The following TUBB6 variants were observed in gnomAD, a reference collection of about 807,000 sequenced individuals.
TUBB6 encodes tubulin beta 6 class V.
In TUBB6, 18 loss-of-function variants were observed where a neutral mutation model predicts 32.3. The observed-to-expected ratio is 0.56, with a 90% CI of 0.39 to 0.83. TUBB6 has a LOEUF of 0.83. Ranked by LOEUF, TUBB6 falls within the 40% of genes least tolerant of loss-of-function variation. TUBB6 has a pLI of 0.00. For synonymous variants in TUBB6, 280 were observed against 265.8 expected (o/e 1.05, Z -0.52); for missense variants, 480 against 632.0 (o/e 0.76, Z 2.58).
At chr18:12,311,259 C>G (rs1906367257) in intron 3 of TUBB6, 1 of 430,002 alleles carries the variant, frequency 2.3e-6, no homozygotes, top group South Asian at 2.4e-5. Context: ...GAAGGAACCT[C>G]TATATCTCTA....
rs61741010 is a variant in TUBB6, at chr18:12,325,959, G to A, written c.1170G>A (p.Arg390=). The stretch of plus-strand genomic sequence containing the variant: ...CCGAGCAGTTCTCAGCCATGTTCCG[G>A]CGCAAGGCCTTCCTGCACTGGTTCA... ...RISEQFSAMF[R]RKAFLHWFTG... is the part of the protein sequence containing the mutation. The change falls in exon 4 of 4, where the codon CGG becomes CGA. Residue 390 remains arginine (R), a synonymous_variant. Coordinates refer to ENST00000317702, the MANE Select transcript of TUBB6 (RefSeq NM_032525.3). 7,220 of 1,614,058 alleles carry A rather than the reference G, an allele frequency of 4.5e-3. 413 individuals are homozygous for A. In the Admixed American group the frequency reaches 0.1, roughly 23 times the overall value.
At chr18:12,323,986 AAAT>A (rs1189912795) in intron 3 of TUBB6, among the ~76,000 whole-genome samples, 3 of 152,232 alleles carry the variant, frequency 2.0e-5, no homozygotes, top group African/African-American at 4.8e-5. Context: ...GGGGCAGAAT[AAAT>A]AATTGGTTCT....
intron 3 of TUBB6, among the ~76,000 whole-genome samples, chr18:12,313,687 C>CTAAG (rs1312679098): frequency 2.0e-5 from 3 of 152,240 alleles, no homozygotes; most frequent in Non-Finnish European, 4.4e-5. Flanking sequence ...TCAGAAGCTG[C>CTAAG]TAAGACCTAG....
downstream of TUBB6, chr18:12,329,576 CTT>C: frequency 6.2e-7 from 1 of 1,613,926 alleles, no homozygotes; most frequent in East Asian, 2.2e-5. Flanking sequence ...TAGTTGGCAA[CTT>C]TCTCACCCGG....
At chr18:12,329,235 G>C (rs1568130177), downstream of TUBB6, 20 of 702,432 alleles carry the variant, frequency 2.8e-5, no homozygotes, top group Non-Finnish European at 4.4e-5. Context: ...AGAGTCCAGT[G>C]CAACGATCCC....
chr18:12,318,750 G>A (rs1906805944), intron 3 of TUBB6, among the ~76,000 whole-genome samples: 1 of 76,232 alleles, frequency 1.3e-5, no homozygotes. Context: ...ATATTTAAAT[G>A]TGTGGTTTTG....
At chr18:12,324,750 C>T in intron 3 of TUBB6, 1 of 1,261,156 alleles carries the variant, frequency 7.9e-7, no homozygotes, top group East Asian at 2.9e-5. Context: ...GGCGCCCGGC[C>T]AGTAACTTAT....
intron 2 of TUBB6, among the ~76,000 whole-genome samples, chr18:12,309,098 C>T (rs925647438): frequency 3.6e-4 from 55 of 152,072 alleles, no homozygotes; most frequent in African/African-American, 1.2e-3. Flanking sequence ...AGCCTCTAAT[C>T]CCAGCGCTTT....
rs1298035648 is a variant in TUBB6, at chr18:12,324,904, G to T, written c.278-163G>T. 2.8e-6 allele frequency: 4 copies of T among 1,451,030 alleles called. No individual in the cohort carries two copies. The East Asian group carries it at 9.5e-5, about 35-fold the overall frequency. 89.9% of individuals were successfully genotyped at this position (1,451,030 alleles called of 1,614,324 possible). A position where few individuals can be genotyped will look rare whatever the true frequency, so the allele number is the denominator to read the frequency against. ...TTGACTTGCCTAAAAACGTACCAGT[G>T]CATCTGCTCAGCTGCACCGTTGGTG... On this transcript the variant is annotated intron_variant, in intron 3 of 3. Transcript: ENST00000317702.
chr18:12,316,638 T>C (rs1906688385), intron 3 of TUBB6, among the ~76,000 whole-genome samples: 1 of 152,248 alleles, frequency 6.6e-6, no homozygotes, highest in Non-Finnish European at 1.5e-5. Flanking sequence ...TAACATATTA[T>C]GGAGAATGGA....
intron 2 of TUBB6, among the ~76,000 whole-genome samples, chr18:12,309,279 G>A (rs1292248818): frequency 5.3e-5 from 8 of 150,566 alleles, no homozygotes; most frequent in African/African-American, 1.7e-4. Flanking sequence ...CTTGAGCTCA[G>A]GAGGTCGAGG....
intron 2 of TUBB6, among the ~76,000 whole-genome samples, chr18:12,309,999 C>A (rs936260986): frequency 6.6e-6 from 1 of 152,072 alleles, no homozygotes; most frequent in African/African-American, 2.4e-5. Context: ...TAGTTTATTT[C>A]CATGGAGCTA....
rs1405085826 is a variant in TUBB6, at chr18:12,325,735, G to A, written c.946G>A (p.Val316Met). The A allele has an allele frequency of 6.2e-7, 1 of 1,614,102 alleles. No individual in the cohort carries two copies. Among genetic ancestry groups the A allele is most frequent in the African/African-American group, 1.3e-5 (1 of 74,956 alleles). The change falls in exon 4 of 4, where the codon GTG becomes ATG. Residue 316 changes from valine to methionine, a missense_variant. Physicochemically the swap from Val to Met is conservative, Grantham distance 21 (BLOSUM62 1). Coordinates refer to ENST00000317702, the MANE Select transcript of TUBB6 (RefSeq NM_032525.3). ...TGGCCGCTACCTGACCGTGGCCACC[G>A]TGTTCCGCGGGCCCATGTCCATGAA... ...RHGRYLTVAT[V>M]FRGPMSMKEV... is the part of the protein sequence containing the mutation.
chr18:12,324,967 C>T (rs769253356), intron 3 of TUBB6, 100 bp from the exon 4 acceptor site: 2 of 1,509,844 alleles, frequency 1.3e-6, no homozygotes, highest in Non-Finnish European at 1.8e-6. Flanking sequence ...TGGCTAACAG[C>T]ACATCATGGA....
chr18:12,308,276 G>T lies in TUBB6; in HGVS notation c.-17G>T, dbSNP rs1208562494. ...GTCGTCCGCAGAGCCAGTTCCTAGCGCAGAGCCGCGCCCGCCATGAGGGAG... is the reference window on the plus strand; with the variant it reads ...GTCGTCCGCAGAGCCAGTTCCTAGCTCAGAGCCGCGCCCGCCATGAGGGAG... On this transcript the variant is annotated 5_prime_UTR_variant, in exon 1 of 4. Coordinates refer to ENST00000317702, the MANE Select transcript of TUBB6 (RefSeq NM_032525.3). The T allele has an allele frequency of 2.8e-6, 4 of 1,437,386 alleles. No individual in the cohort carries two copies. Among genetic ancestry groups the T allele is most frequent in the East Asian group, 3.1e-5 (1 of 31,854 alleles). 89.0% of individuals were successfully genotyped at this position (1,437,386 alleles called of 1,614,324 possible).
In TUBB6 at chr18:12,311,279, C is replaced by A. The variant is rs144293127; in HGVS notation, c.277+226C>A. 1,398 of 399,668 alleles carry A rather than the reference C, an allele frequency of 3.5e-3. 16 individuals carry two copies. The highest frequency in any genetic ancestry group is 0.027 in the African/African-American group (1,277 of 46,972). The allele number at this position is 399,668 out of a possible 1,614,324, so 24.8% of individuals were successfully genotyped here. Reference sequence around the variant, plus strand: ...AACCTCTATATCTCTAAATGAAATTCTTCTACTGGTAGTTCTTGATTAAAA... The same window carrying A: ...AACCTCTATATCTCTAAATGAAATTATTCTACTGGTAGTTCTTGATTAAAA... On this transcript the variant is annotated intron_variant, in intron 3 of 3. Coordinates refer to ENST00000317702, the MANE Select transcript of TUBB6 (RefSeq NM_032525.3).
At position 12,326,204 on chromosome 18, in the gene TUBB6, A is replaced by G. The variant is rs1907319765; in HGVS notation, c.*74A>G. On this transcript the variant is annotated 3_prime_UTR_variant, in exon 4 of 4. Coordinates refer to ENST00000317702, the MANE Select transcript of TUBB6 (RefSeq NM_032525.3). ...CTTGAACCCTGGTGCCTCCTACCCT[A>G]TGGCCCTGAATGGTGCACTGGTTTA... The G allele has an allele frequency of 1.3e-6, 2 of 1,516,338 alleles. No individual in the cohort carries two copies. The highest frequency in any genetic ancestry group is 1.4e-5 in the African/African-American group (1 of 72,424). 93.9% of individuals were successfully genotyped at this position (1,516,338 alleles called of 1,614,324 possible). A position where few individuals can be genotyped will look rare whatever the true frequency, so the allele number is the denominator to read the frequency against.
chr18:12,308,289 C>A lies in TUBB6; in HGVS notation c.-4C>A, dbSNP rs1417440822. The A allele has an allele frequency of 1.4e-6, 2 of 1,463,202 alleles. No individual in the cohort carries two copies. Among genetic ancestry groups the A allele is most frequent in the East Asian group, 3.0e-5 (1 of 33,144 alleles). The allele number at this position is 1,463,202 out of a possible 1,614,324, so 90.6% of individuals were successfully genotyped here. A position where few individuals can be genotyped will look rare whatever the true frequency, so the allele number is the denominator to read the frequency against. ...CCAGTTCCTAGCGCAGAGCCGCGCC[C>A]GCCATGAGGGAGATCGTGCACATCC... On this transcript the variant is annotated 5_prime_UTR_variant, in exon 1 of 4. Transcript: ENST00000317702.
At position 12,325,602 on chromosome 18, in the gene TUBB6, G is replaced by A. The variant is rs575654137; in HGVS notation, c.813G>A (p.Ala271=). 16 of 1,613,772 alleles carry A rather than the reference G, an allele frequency of 9.9e-6. No individual in the cohort carries two copies. The South Asian group carries it at 1.2e-4, about 12-fold the overall frequency. ...TGCACTTCTTCATGCCTGGCTTCGC[G>A]CCGCTCACCAGCCGCGGCAGCCAGC... ...PRLHFFMPGF[A]PLTSRGSQQY... Residue 271 remains alanine (A), a synonymous_variant, in exon 4 of 4, where the codon GCG becomes GCA. Transcript: ENST00000317702.
Sources: gnomAD v4.1 joint callset for allele counts (sites outside exome capture counted in the v4.1 genomes callset) on GRCh38, gnomAD v4.1.1 for gene constraint, MANE v1.5 for transcripts, NCBI Gene and HGNC (gene_info 2026-07-23, HGNC 2026-07-21) for gene names.